The following KIF26B variants were observed in gnomAD, a reference collection of about 807,000 sequenced individuals.
KIF26B encodes the protein kinesin family member 26B.
Under a neutral mutation model 151.2 loss-of-function variants are expected in KIF26B, and 63 were observed. That is an observed-to-expected ratio of 0.42 (90% CI 0.34 to 0.51). The LOEUF is 0.51. Ranked by LOEUF, KIF26B falls within the 20% of genes least tolerant of loss-of-function variation. The pLI, the probability that KIF26B is intolerant of heterozygous loss-of-function variation, is 0.07. For missense variants in KIF26B, 2,813 were observed against 2,913.6 expected, an observed-to-expected ratio of 0.97 and a Z score of 0.79; for synonymous variants, 1,357 against 1,262.1, an observed-to-expected ratio of 1.08 and a Z score of -1.59.
intron 2 of KIF26B, among the ~76,000 whole-genome samples, chr1:245,215,128 C>G (rs1669618309): frequency 6.6e-6 from 1 of 152,170 alleles, no homozygotes; most frequent in African/African-American, 2.4e-5. Context: ...CAGACTAAAG[C>G]TCTTTCCCTG....
chr1:245,611,495 A>T (rs1249907728), intron 8 of KIF26B, among the ~76,000 whole-genome samples: 1 of 152,252 alleles, frequency 6.6e-6, no homozygotes, highest in Non-Finnish European at 1.5e-5. Context: ...AGGATGAGCC[A>T]TCTGCTCCCA....
At position 245,602,504 on chromosome 1, in the gene KIF26B, A is replaced by T; in HGVS notation, c.1351-73A>T. 8.6e-7 allele frequency: 1 copy of T among 1,161,444 alleles called. No individual in the cohort carries two copies. Among genetic ancestry groups the T allele is most frequent in the South Asian group, 1.3e-5 (1 of 76,450 alleles). The allele number at this position is 1,161,444 out of a possible 1,614,324, so 71.9% of individuals were successfully genotyped here. A position where few individuals can be genotyped will look rare whatever the true frequency, so the allele number is the denominator to read the frequency against. On this transcript the variant is annotated intron_variant, in intron 5 of 14. Coordinates refer to ENST00000407071, the MANE Select transcript of KIF26B (RefSeq NM_018012.4). The surrounding 1 kb of genome is among the most constrained non-coding windows in gnomAD (Gnocchi z 4.5). ...GCTGCCATGTGCATGTATATCGCAG[A>T]GTATACAAGGGTGCTCCATCGTAAA...
rs189990044 is a variant in KIF26B, at chr1:245,183,453, C to T, written c.465+26770C>T. 7.6e-4 allele frequency among the ~76,000 whole-genome samples: 115 copies of T among 152,270 alleles called. 1 individual carries two copies. Among genetic ancestry groups the T allele is most frequent in the South Asian group, 2.7e-3 (13 of 4,824 alleles). ...CAACACTTAGGTCTATGGTCCATTT[C>T]GAGTTAAGATCACTCATTTTTCTTG... is the stretch of plus-strand genomic sequence containing the variant. On this transcript the variant is annotated intron_variant, in intron 2 of 14. Coordinates refer to ENST00000407071, the MANE Select transcript of KIF26B (RefSeq NM_018012.4).
At chr1:245,666,030 C>G (rs1297246749) in intron 10 of KIF26B, among the ~76,000 whole-genome samples, 2 of 118,456 alleles carry the variant, frequency 1.7e-5, no homozygotes, top group African/African-American at 3.2e-5. Context: ...GAGACGGAGT[C>G]TCTCTCTGTC....
chr1:245,477,977 AACAC>A lies in KIF26B; in HGVS notation c.1166+58237_1166+58240del, dbSNP rs1346045884. ...CCCCAAAAATAAACTTTATACCATA[AACAC>A]ACACCCACACACGTCCCTCTTCCAG... is the stretch of plus-strand genomic sequence containing the variant. On this transcript the variant is annotated intron_variant, in intron 4 of 14. Coordinates refer to ENST00000407071, the MANE Select transcript of KIF26B (RefSeq NM_018012.4). Among the ~76,000 whole-genome samples the A allele has an allele frequency of 2.0e-5, 3 of 151,910 alleles. No homozygotes were observed. In the East Asian group the frequency reaches 5.8e-4, roughly 29 times the overall value.
intron 5 of KIF26B, among the ~76,000 whole-genome samples, chr1:245,578,033 C>T (rs1333247645): frequency 6.6e-6 from 1 of 152,210 alleles, no homozygotes; most frequent in Non-Finnish European, 1.5e-5. Flanking sequence ...AATGCATCCC[C>T]TAACCGGAAG....
intron 2 of KIF26B, among the ~76,000 whole-genome samples, chr1:245,164,611 G>A (rs1056049942): frequency 1.6e-4 from 24 of 152,310 alleles, no homozygotes; most frequent in Admixed American, 4.6e-4. Context: ...AACTGAAGTC[G>A]CACATGGTCA....
In KIF26B at chr1:245,642,477, C is replaced by T. The variant is rs909161758; in HGVS notation, c.2099-3644C>T. 3.5e-5 allele frequency among the ~76,000 whole-genome samples: 5 copies of T among 143,868 alleles called. No individual in the cohort carries two copies. In the South Asian group the frequency reaches 6.7e-4, roughly 19 times the overall value. 94.4% of individuals were successfully genotyped at this position (143,868 alleles called of 152,430 possible). On this transcript the variant is annotated intron_variant, in intron 9 of 14. Transcript: ENST00000407071. ...TCGGGAGGCTGAGGCAGGAGAATGG[C>T]ATGAACCCAGGAGGCAGAGTTTTCA...
intron 4 of KIF26B, among the ~76,000 whole-genome samples, chr1:245,424,327 T>C (rs1658571718): frequency 6.6e-6 from 1 of 152,154 alleles, no homozygotes; most frequent in Admixed American, 6.5e-5. Flanking sequence ...TTTGTATTTT[T>C]AGTAGAGATG....
chr1:245,244,756 T>TCTCACACACA lies in KIF26B; in HGVS notation c.465+88074_465+88075insTCACACACAC, dbSNP rs138815719. 5.5e-5 allele frequency among the ~76,000 whole-genome samples: 8 copies of TCTCACACACA among 144,354 alleles called. No homozygotes were observed. Among genetic ancestry groups the TCTCACACACA allele is most frequent in the Non-Finnish European group, 9.0e-5 (6 of 66,336 alleles). The allele number at this position is 144,354 out of a possible 152,430, so 94.7% of individuals were successfully genotyped here. A position where few individuals can be genotyped will look rare whatever the true frequency, so the allele number is the denominator to read the frequency against. On this transcript the variant is annotated intron_variant, in intron 2 of 14. Coordinates refer to ENST00000407071, the MANE Select transcript of KIF26B (RefSeq NM_018012.4). The surrounding 1 kb of genome is among the most constrained non-coding windows in gnomAD (Gnocchi z 4.2). ...AGAAGGAACACACAGACACGCACAC[T>TCTCACACACA]CACACACACACACACACACACACAC...
chr1:245,499,076 A>T (rs1190921184), intron 4 of KIF26B, among the ~76,000 whole-genome samples: 2 of 152,066 alleles, frequency 1.3e-5, no homozygotes, highest in Non-Finnish European at 2.9e-5. Flanking sequence ...TTTTTTTTAA[A>T]ATCAGTTTTT....
chr1:245,435,061 A>G (rs927287773), intron 4 of KIF26B, among the ~76,000 whole-genome samples: 1 of 36,026 alleles, frequency 2.8e-5, no homozygotes, highest in African/African-American at 1.1e-4. Context: ...CTCTCCATCC[A>G]TCCATCCATC....
chr1:245,531,789 G>A (rs1188198284), intron 4 of KIF26B, among the ~76,000 whole-genome samples: 1 of 152,168 alleles, frequency 6.6e-6, no homozygotes, highest in Non-Finnish European at 1.5e-5. Context: ...TAAAACATAA[G>A]ATAGATCATC....
intron 5 of KIF26B, among the ~76,000 whole-genome samples, chr1:245,582,325 A>G (rs2043183733): frequency 6.6e-6 from 1 of 152,240 alleles, no homozygotes; most frequent in East Asian, 1.9e-4. Flanking sequence ...ACTTGTTACA[A>G]TGTATCAAGT....
At chr1:245,463,164 G>A (rs143847385) in intron 4 of KIF26B, among the ~76,000 whole-genome samples, 1,847 of 152,294 alleles carry the variant, frequency 0.012, 19 homozygotes, top group Non-Finnish European at 0.018. Flanking sequence ...GCCAGTACAG[G>A]TAAGTAAGAG....
chr1:245,589,961 C>G (rs1047587778), intron 5 of KIF26B, among the ~76,000 whole-genome samples: 2 of 152,238 alleles, frequency 1.3e-5, no homozygotes, highest in African/African-American at 4.8e-5. Context: ...CTGTTGTTCT[C>G]CAAGCCAAAT....
chr1:245,465,264 C>T (rs1659759902), intron 4 of KIF26B, among the ~76,000 whole-genome samples: 1 of 152,208 alleles, frequency 6.6e-6, no homozygotes, highest in Non-Finnish European at 1.5e-5. Flanking sequence ...AGGCGTGAGC[C>T]ACCGCGCCCG....
At chr1:245,505,118 AGTAGAGACGGG>A (rs1484922897) in intron 4 of KIF26B, among the ~76,000 whole-genome samples, 3 of 151,324 alleles carry the variant, frequency 2.0e-5, no homozygotes, top group Non-Finnish European at 4.4e-5. Flanking sequence ...TTTGTATTTT[AGTAGAGACGGG>A]GTTTCACCAT....
chr1:245,658,313 G>T (rs1445089421), intron 10 of KIF26B, among the ~76,000 whole-genome samples: 9 of 151,558 alleles, frequency 5.9e-5, no homozygotes, highest in Non-Finnish European at 1.3e-4. Flanking sequence ...AAAACTGATT[G>T]TTGAAGTTAA....
Sources: gnomAD v4.1 joint callset for allele counts (sites outside exome capture counted in the v4.1 genomes callset) on GRCh38, gnomAD v4.1.1 for gene constraint, Gnocchi (gnomAD v3.1) non-coding constraint, MANE v1.5 for transcripts, NCBI Gene and HGNC (gene_info 2026-07-23, HGNC 2026-07-21) for gene names.